GPAM: variants seen among roughly 807,000 people sequenced by gnomAD.
The protein encoded by GPAM is glycerol-3-phosphate acyltransferase 1, mitochondrial.
A neutral mutation model predicts 105.0 loss-of-function variants in GPAM; 56 were observed. The ratio of observed to expected loss-of-function variants is 0.53; its 90% CI spans 0.43 to 0.67. The LOEUF (loss-of-function observed/expected upper bound fraction) is 0.67. Ranked by LOEUF, GPAM falls within the 30% of genes least tolerant of loss-of-function variation. The probability of loss-of-function intolerance (pLI) is 0.00; values close to 1 mark genes in which losing one functional copy is unlikely to be tolerated. For synonymous variants in GPAM, 368 were observed against 354.4 expected, an observed-to-expected ratio of 1.04 and a Z score of -0.43; for missense variants, 855 against 989.8, an observed-to-expected ratio of 0.86 and a Z score of 1.83.
At chr10:112,209,344 T>C (rs1317918911) in intron 1 of GPAM, among the ~76,000 whole-genome samples, 3 of 151,796 alleles carry the variant, frequency 2.0e-5, no homozygotes, top group Admixed American at 6.6e-5. Context: ...CATTTTCTAG[T>C]ATCTAGTAGT....
chr10:112,157,261 A>G lies in GPAM; in HGVS notation c.2109T>C (p.Asp703=). 1 of 1,613,888 alleles carries G rather than the reference A, an allele frequency of 6.2e-7. No homozygotes were observed. The highest frequency in any genetic ancestry group is 8.5e-7 in the Non-Finnish European group (1 of 1,179,758). ...EDSDFGEEQR[D]CYLKVSQSKE... ...TTCACCCAAGTACCTTCAGGTAGCA[A>G]TCTCGCTGTTCCTCCCCAAAGTCAC... is the stretch of plus-strand genomic sequence containing the variant. Residue 703 remains aspartate, a synonymous_variant, in exon 19 of 22, where the codon GAT becomes GAC. Coordinates refer to ENST00000348367, the MANE Select transcript of GPAM (RefSeq NM_001244949.2).
intron 20 of GPAM, chr10:112,155,508 A>G (rs1034105183): frequency 2.1e-5 from 6 of 280,740 alleles, no homozygotes; most frequent in Admixed American, 1.0e-4. Context: ...ATATGCTCAT[A>G]GCAACACTGT....
intron 1 of GPAM, among the ~76,000 whole-genome samples, chr10:112,200,240 T>TAGAGAG (rs1464259484): frequency 4.6e-5 from 6 of 129,396 alleles, no homozygotes; most frequent in African/African-American, 9.5e-5. Flanking sequence ...TATATATATA[T>TAGAGAG]ATATAGAGAG....
chr10:112,172,452 T>C (rs1049795088), intron 8 of GPAM, 134 bp from the exon 9 acceptor site: 9 of 721,772 alleles, frequency 1.2e-5, no homozygotes, highest in Admixed American at 6.1e-5. Context: ...TTTCCAATAA[T>C]AGGAACTTCC....
chr10:112,153,469 C>A lies in GPAM; in HGVS notation c.*81G>T. On this transcript the variant is annotated 3_prime_UTR_variant, in exon 22 of 22. Transcript: ENST00000348367. ...GGGCAGGCCTGACCCTGCGATGGCA[C>A]CTTCAACTCTTGAGCCAGAAGCTGG... 1 of 1,608,174 alleles carries A rather than the reference C, an allele frequency of 6.2e-7. No individual in the cohort carries two copies. Among genetic ancestry groups the A allele is most frequent in the Non-Finnish European group, 8.5e-7 (1 of 1,177,590 alleles).
chr10:112,211,460 T>C (rs1847910084), intron 1 of GPAM, among the ~76,000 whole-genome samples: 1 of 152,198 alleles, frequency 6.6e-6, no homozygotes, highest in African/African-American at 2.4e-5. Flanking sequence ...TATTGAGAAC[T>C]TCCTGCATTC....
chr10:112,194,578 A>G (rs1847701110), intron 1 of GPAM, among the ~76,000 whole-genome samples: 1 of 152,230 alleles, frequency 6.6e-6, no homozygotes, highest in Non-Finnish European at 1.5e-5. Flanking sequence ...ATGAAAATAA[A>G]GCGTCTTGTC....
rs1847334236 is a variant in GPAM at position 112,172,723 on chromosome 10, G to A, written c.657+247C>T. Among the ~76,000 whole-genome samples, 7 of 152,128 alleles carry A rather than the reference G, an allele frequency of 4.6e-5. No homozygotes were observed. In the South Asian group the frequency reaches 1.2e-3, roughly 27 times the overall value. ...TTGCTTCATCTACAAAATAGGGATT[G>A]TTCTACCAGATTTTCAGGGTTGTTG... On this transcript the variant is annotated intron_variant, in intron 8 of 21. Coordinates refer to ENST00000348367, the MANE Select transcript of GPAM (RefSeq NM_001244949.2).
chr10:112,222,128 G>A, the GPAM span, among the ~76,000 whole-genome samples: 6 of 152,292 alleles, frequency 3.9e-5, no homozygotes, highest in South Asian at 2.1e-4. Context: ...GAAGTTGGGT[G>A]ATGAGTTATT....
intron 1 of GPAM, among the ~76,000 whole-genome samples, chr10:112,200,168 ATATAT>A (rs2133293328): frequency 1.3e-3 from 1 of 746 alleles, no homozygotes; most frequent in Non-Finnish European, 2.2e-3. Context: ...TGTAAAGGAA[ATATAT>A]ATATATATAT....
chr10:112,169,330 C>T (rs1356165007), intron 9 of GPAM, among the ~76,000 whole-genome samples: 3 of 152,228 alleles, frequency 2.0e-5, no homozygotes, highest in East Asian at 1.9e-4. Flanking sequence ...CTGAAATTTG[C>T]GCATGGCATG....
At chr10:112,160,390 A>C (rs1847100483) in intron 16 of GPAM, 1 of 958,768 alleles carries the variant, frequency 1.0e-6, no homozygotes. Flanking sequence ...CTCTCCTGAA[A>C]AATAAGGGTA....
At chr10:112,161,559 A>G in intron 15 of GPAM, 108 bp downstream of exon 15, 1 of 811,702 alleles carries the variant, frequency 1.2e-6, no homozygotes, top group African/African-American at 1.7e-5. Context: ...TGTTTACCTC[A>G]TAGTACTAGC....
Position 112,202,025 on chromosome 10 carries a change from C to T in GPAM, n.210+13143G>A, listed in dbSNP as rs904703351. The stretch of plus-strand genomic sequence containing the variant: ...GGTACAGGTTAGGTTTTGCAGAGAG[C>T]TTATGCAACTTTCCCAATGTCACAG... On this transcript the variant is annotated intron_variant and non_coding_transcript_variant, in intron 1 of 3. Coordinates refer to the GPAM transcript ENST00000480130. 4.6e-5 allele frequency among the ~76,000 whole-genome samples: 7 copies of T among 152,204 alleles called. No individual in the cohort carries two copies. In the East Asian group the frequency reaches 1.3e-3, roughly 29 times the overall value.
Position 112,151,551 on chromosome 10 carries a change from G to A in GPAM, c.*1999C>T, listed in dbSNP as rs958192386. 2.0e-6 allele frequency: 2 copies of A among 985,552 alleles called. No individual in the cohort carries two copies. Among genetic ancestry groups the A allele is most frequent in the Admixed American group, 1.2e-4 (2 of 16,268 alleles). 61.1% of individuals were successfully genotyped at this position (985,552 alleles called of 1,614,324 possible). ...ATACATTGCATTCCCCAAAGCATCTGAACGTACTTCTAGAAAACAAACCAA... is the reference window on the plus strand; with the variant it reads ...ATACATTGCATTCCCCAAAGCATCTAAACGTACTTCTAGAAAACAAACCAA... On this transcript the variant is annotated 3_prime_UTR_variant, in exon 22 of 22. Coordinates refer to ENST00000348367, the MANE Select transcript of GPAM (RefSeq NM_001244949.2).
At chr10:112,218,809 C>T (rs960716058), upstream of GPAM, among the ~76,000 whole-genome samples, 9 of 152,126 alleles carry the variant, frequency 5.9e-5, no homozygotes, top group African/African-American at 1.7e-4. Context: ...TAAATGCCTT[C>T]GCATTTGTAA....
At chr10:112,209,566 C>T (rs935972703) in intron 1 of GPAM, among the ~76,000 whole-genome samples, 1 of 152,132 alleles carries the variant, frequency 6.6e-6, no homozygotes, top group African/African-American at 2.4e-5. Flanking sequence ...GGGAACAGAG[C>T]TGATTGTGGG....
intron 1 of GPAM, among the ~76,000 whole-genome samples, chr10:112,207,038 A>T (rs775546538): frequency 1.3e-5 from 2 of 152,188 alleles, no homozygotes; most frequent in Non-Finnish European, 2.9e-5. Flanking sequence ...ATGCATTAAC[A>T]ACTCTTAATG....
At chr10:112,185,670 G>C (rs114089003), upstream of GPAM, among the ~76,000 whole-genome samples, 392 of 152,078 alleles carry the variant, frequency 2.6e-3, 1 homozygote, top group African/African-American at 9.3e-3. Flanking sequence ...CCTGACGGGA[G>C]GCTGAGGCAG....
Sources: gnomAD v4.1 joint callset for allele counts (sites outside exome capture counted in the v4.1 genomes callset) on GRCh38, gnomAD v4.1.1 for gene constraint, MANE v1.5 for transcripts, NCBI Gene and HGNC (gene_info 2026-07-23, HGNC 2026-07-21) for gene names.